Variants in ATP5F1C observed in about 807,000 individuals in gnomAD.
The protein encoded by ATP5F1C is ATP synthase F(1) complex subunit gamma, mitochondrial.
Under a neutral mutation model 37.4 loss-of-function variants are expected in ATP5F1C, and 22 were observed. That is an observed-to-expected ratio of 0.59 (90% CI 0.42 to 0.84). ATP5F1C has a LOEUF of 0.84. Among genes scored for constraint, ATP5F1C ranks in the 40% least tolerant of loss-of-function variants. The probability of loss-of-function intolerance (pLI) is 0.00; values close to 1 mark genes in which losing one functional copy is unlikely to be tolerated. For missense variants in ATP5F1C, 286 were observed against 362.4 expected, an observed-to-expected ratio of 0.79 and a Z score of 1.71; for synonymous variants, 121 against 128.0, an observed-to-expected ratio of 0.95 and a Z score of 0.37.
intron 4 of ATP5F1C, 89 bp downstream of exon 4, chr10:7,799,283 C>A: frequency 1.6e-6 from 2 of 1,232,258 alleles, no homozygotes; most frequent in Non-Finnish European, 2.3e-6. Context: ...TCAAAACCTT[C>A]ATCAATAACA....
chr10:7,796,552 T>C (rs1836238409), intron 2 of ATP5F1C: 1 of 161,034 alleles, frequency 6.2e-6, no homozygotes, highest in South Asian at 1.9e-4. Flanking sequence ...TCCTAAGTAG[T>C]AGCTAGTTTT....
intron 1 of ATP5F1C, among the ~76,000 whole-genome samples, chr10:7,789,822 C>CT (rs1377270001): frequency 6.6e-6 from 1 of 152,128 alleles, no homozygotes; most frequent in Non-Finnish European, 1.5e-5. Context: ...TTAGAAATAT[C>CT]TTTTTTTAAA....
At chr10:7,802,908 C>T (rs1836398775) in intron 8 of ATP5F1C, 54 bp downstream of exon 8, 1 of 1,495,292 alleles carries the variant, frequency 6.7e-7, no homozygotes, top group African/African-American at 1.4e-5. Flanking sequence ...CTTGCTGTGT[C>T]TGCTTGTTTG....
intron 9 of ATP5F1C, 148 bp from the exon 10 acceptor site, chr10:7,807,511 A>G: frequency 1.1e-6 from 1 of 925,490 alleles, no homozygotes; most frequent in Non-Finnish European, 1.5e-6. Context: ...CCCCAGACCA[A>G]AATTTTAGAA....
At chr10:7,790,170 G>A (rs903613162) in intron 1 of ATP5F1C, among the ~76,000 whole-genome samples, 8 of 152,178 alleles carry the variant, frequency 5.3e-5, no homozygotes, top group African/African-American at 1.9e-4. Flanking sequence ...TTTGGAAGGG[G>A]AAGAAAAGAC....
intron 1 of ATP5F1C, 74 bp downstream of exon 1, chr10:7,788,337 G>C (rs528085263): frequency 1.2e-4 from 183 of 1,574,308 alleles, no homozygotes; most frequent in Middle Eastern, 5.1e-4. Flanking sequence ...GGGAGGAGGA[G>C]ATGGGCGCGG....
intron 2 of ATP5F1C, 39 bp from the exon 3 acceptor site, chr10:7,797,008 G>T (rs1054633928): frequency 6.3e-7 from 1 of 1,594,526 alleles, no homozygotes. Context: ...AAGTTATACT[G>T]TAATTCCTTT....
At chr10:7,798,066 G>T (rs1326122762) in intron 3 of ATP5F1C, among the ~76,000 whole-genome samples, 3 of 151,994 alleles carry the variant, frequency 2.0e-5, no homozygotes, top group African/African-American at 7.2e-5. Context: ...CTGAGTTGAG[G>T]CTATCTAAAA....
rs572383058 is a variant in ATP5F1C at position 7,798,834 on chromosome 10, G to C, written c.224-156G>C. Among the ~76,000 whole-genome samples the C allele has an allele frequency of 1.1e-3, 172 of 152,324 alleles. 1 individual carries two copies. Among genetic ancestry groups the C allele is most frequent in the African/African-American group, 4.0e-3 (166 of 41,564 alleles). On this transcript the variant is annotated intron_variant, in intron 3 of 9. Transcript: ENST00000356708. ...GCGTGAGCCACTGTGCCCGGCCTCA[G>C]CTTACAGCTGTCCTAAGAACACCTG... is the stretch of plus-strand genomic sequence containing the variant.
intron 1 of ATP5F1C, among the ~76,000 whole-genome samples, chr10:7,788,915 T>C (rs151023696): frequency 6.6e-6 from 1 of 151,866 alleles, no homozygotes; most frequent in African/African-American, 2.4e-5. Flanking sequence ...AGCACTACCT[T>C]GAAACCACTT....
chr10:7,791,401 T>C (rs145202684), intron 1 of ATP5F1C, among the ~76,000 whole-genome samples: 1 of 152,366 alleles, frequency 6.6e-6, no homozygotes, highest in African/African-American at 2.4e-5. Flanking sequence ...ACACGCTTAA[T>C]ATCAGAATTA....
At chr10:7,799,293 A>T (rs1261061949) in intron 4 of ATP5F1C, 99 bp downstream of exon 4, 9 of 1,161,848 alleles carry the variant, frequency 7.7e-6, no homozygotes, top group Non-Finnish European at 1.1e-5. Flanking sequence ...CATCAATAAC[A>T]AGGTATATTC....
In ATP5F1C at chr10:7,802,395, A is replaced by T; in HGVS notation, c.763A>T (p.Thr255Ser). Residue 255 changes from threonine to serine, a missense_variant, in exon 7 of 10, where the codon ACA becomes TCA. Coordinates refer to ENST00000356708, the MANE Select transcript of ATP5F1C (RefSeq NM_001001973.3). Reference sequence around the variant, plus strand: ...CACTAGTGAGCAGAGTGCCAGGATGACAGCCATGGACAATGCCAGCAAGAA... The same window carrying T: ...CACTAGTGAGCAGAGTGCCAGGATGTCAGCCATGGACAATGCCAGCAAGAA... ...STTSEQSARMTAMDNASKNAS... is the reference protein window; with the variant it reads ...STTSEQSARMSAMDNASKNAS... 1 of 1,613,652 alleles carries T rather than the reference A, an allele frequency of 6.2e-7. No individual in the cohort carries two copies. Among genetic ancestry groups the T allele is most frequent in the African/African-American group, 1.3e-5 (1 of 75,048 alleles).
In ATP5F1C at chr10:7,793,467, T is replaced by A. The variant is rs188388735; in HGVS notation, c.57-2654T>A. On this transcript the variant is annotated intron_variant, in intron 1 of 9. Coordinates refer to ENST00000356708, the MANE Select transcript of ATP5F1C (RefSeq NM_001001973.3). Reference sequence around the variant, plus strand: ...TTCCAGATCTTTTGCCCATTTTTTTTATTTGGGTTGTTTGTTCTCTTATTG... The same window carrying A: ...TTCCAGATCTTTTGCCCATTTTTTTAATTTGGGTTGTTTGTTCTCTTATTG... Among the ~76,000 whole-genome samples, 1,358 of 152,348 alleles carry A rather than the reference T, an allele frequency of 8.9e-3. 9 individuals carry two copies. The highest frequency in any genetic ancestry group is 0.022 in the South Asian group (105 of 4,832).
intron 6 of ATP5F1C, 98 bp from the exon 7 acceptor site, chr10:7,802,172 T>G: frequency 8.2e-7 from 1 of 1,220,280 alleles, no homozygotes; most frequent in South Asian, 1.6e-5. Context: ...TAATTTCTGC[T>G]CTGTAATTAT....
At chr10:7,794,875 G>A (rs1197646373) in intron 1 of ATP5F1C, among the ~76,000 whole-genome samples, 1 of 152,052 alleles carries the variant, frequency 6.6e-6, no homozygotes, top group Non-Finnish European at 1.5e-5. Flanking sequence ...TTTCTACTAC[G>A]AATGTACATG....
chr10:7,800,695 G>A (rs1054324815), intron 6 of ATP5F1C, among the ~76,000 whole-genome samples: 8 of 151,646 alleles, frequency 5.3e-5, no homozygotes, highest in African/African-American at 1.2e-4. Flanking sequence ...GCATTTCACC[G>A]TGTTCGCCAG....
At chr10:7,798,679 A>G (rs1476934898) in intron 3 of ATP5F1C, among the ~76,000 whole-genome samples, 2 of 152,094 alleles carry the variant, frequency 1.3e-5, no homozygotes, top group Admixed American at 1.3e-4. Flanking sequence ...TACAGACGTG[A>G]GCCACCGTGC....
chr10:7,805,991 C>T (rs1836472891), intron 8 of ATP5F1C, among the ~76,000 whole-genome samples: 1 of 152,128 alleles, frequency 6.6e-6, no homozygotes, highest in Admixed American at 6.6e-5. Flanking sequence ...GAAATTGAGG[C>T]AGGAGGATTG....
Sources: allele counts gnomAD v4.1 joint callset (sites outside exome capture counted in the v4.1 genomes callset), GRCh38; gene constraint gnomAD v4.1.1; transcripts MANE v1.5; gene names NCBI Gene and HGNC (gene_info 2026-07-23, HGNC 2026-07-21).